Variants in RFPL1 observed in about 807,000 individuals in gnomAD.
The protein encoded by RFPL1 is ret finger protein-like 1.
Under a neutral mutation model 9.6 loss-of-function variants are expected in RFPL1, and 6 were observed. The observed-to-expected ratio is 0.62, with a 90% CI of 0.34 to 1.23. The LOEUF (loss-of-function observed/expected upper bound fraction) is 1.23. Ranked by LOEUF, RFPL1 falls within the 50% of genes most tolerant of loss-of-function variation. The probability of loss-of-function intolerance (pLI) is 0.03; values close to 1 mark genes in which losing one functional copy is unlikely to be tolerated. For missense variants in RFPL1, 352 were observed against 398.4 expected (o/e 0.88, Z 0.99); for synonymous variants, 145 against 149.4 (o/e 0.97, Z 0.22).
chr22:29,437,498 G>A, upstream of RFPL1: 4 of 1,001,272 alleles, frequency 4.0e-6, no homozygotes, highest in Non-Finnish European at 6.0e-6. Context: ...AAAATACACT[G>A]TCAGGATGAA....
the RFPL1 span, among the ~76,000 whole-genome samples, chr22:29,404,598 A>C: frequency 6.6e-6 from 1 of 152,262 alleles, no homozygotes; most frequent in African/African-American, 2.4e-5. Flanking sequence ...TACAAGGTGC[A>C]TATGAGCTGC....
chr22:29,391,732 C>T, the RFPL1 span, among the ~76,000 whole-genome samples: 2 of 152,250 alleles, frequency 1.3e-5, no homozygotes, highest in East Asian at 3.9e-4. Flanking sequence ...AAGGGTAATC[C>T]AGAGAAAAGA....
At chr22:29,423,382 C>CT in the RFPL1 span, among the ~76,000 whole-genome samples, 394 of 134,294 alleles carry the variant, frequency 2.9e-3, 1 homozygote, top group African/African-American at 7.2e-3. Context: ...AATCTATCAA[C>CT]TTTTTTTTTT....
chr22:29,418,683 A>G, the RFPL1 span, among the ~76,000 whole-genome samples: 2 of 151,958 alleles, frequency 1.3e-5, no homozygotes, highest in Non-Finnish European at 2.9e-5. Flanking sequence ...TATTTTTAGT[A>G]GAGACAGGAT....
the RFPL1 span, among the ~76,000 whole-genome samples, chr22:29,423,699 A>G: frequency 1.3e-5 from 2 of 152,214 alleles, no homozygotes; most frequent in Non-Finnish European, 2.9e-5. Context: ...ATGTTACCCT[A>G]TACAGTCAAA....
At chr22:29,398,641 C>T in the RFPL1 span, among the ~76,000 whole-genome samples, 1 of 152,306 alleles carries the variant, frequency 6.6e-6, no homozygotes, top group South Asian at 2.1e-4. Context: ...GATGCCCATT[C>T]CTCGGGGCTG....
the RFPL1 span, among the ~76,000 whole-genome samples, chr22:29,423,989 T>G: frequency 6.6e-6 from 1 of 152,076 alleles, no homozygotes; most frequent in African/African-American, 2.4e-5. Context: ...GGTCAGGAGA[T>G]CGAGACCAGA....
chr22:29,438,000 C>G (rs563256862), upstream of RFPL1: 1 of 312,152 alleles, frequency 3.2e-6, no homozygotes, highest in African/African-American at 2.7e-5. Context: ...ACTCTGTTGT[C>G]CAGGTTGGAG....
At chr22:29,436,172 A>G (rs1489809374), upstream of RFPL1, among the ~76,000 whole-genome samples, 1 of 152,046 alleles carries the variant, frequency 6.6e-6, no homozygotes, top group Non-Finnish European at 1.5e-5. Context: ...AGAGGTCGGT[A>G]ATTGGATATA....
the RFPL1 span, among the ~76,000 whole-genome samples, chr22:29,418,787 T>G: frequency 6.6e-6 from 1 of 152,136 alleles, no homozygotes; most frequent in Non-Finnish European, 1.5e-5. Flanking sequence ...TGTGAGCCAC[T>G]GCGCCTGGCC....
the RFPL1 span, among the ~76,000 whole-genome samples, chr22:29,424,824 G>GCCC: frequency 3.3e-5 from 3 of 90,168 alleles, no homozygotes; most frequent in Non-Finnish European, 6.8e-5. Flanking sequence ...CTGTCTCCCT[G>GCCC]TCCCTCCCAC....
At chr22:29,425,203 CAAAA>C in the RFPL1 span, among the ~76,000 whole-genome samples, 1 of 78,516 alleles carries the variant, frequency 1.3e-5, no homozygotes. Context: ...GACTCCGTCT[CAAAA>C]AAAAAAAAAA....
the RFPL1 span, among the ~76,000 whole-genome samples, chr22:29,420,494 C>A: frequency 1.3e-5 from 2 of 151,974 alleles, no homozygotes; most frequent in Non-Finnish European, 2.9e-5. Flanking sequence ...TCATGCCTGG[C>A]TAATTTTTGT....
chr22:29,411,277 G>C, the RFPL1 span, among the ~76,000 whole-genome samples: 1 of 152,088 alleles, frequency 6.6e-6, no homozygotes, highest in African/African-American at 2.4e-5. Flanking sequence ...TCCATTTTAG[G>C]GTGAGAAAAT....
the RFPL1 span, among the ~76,000 whole-genome samples, chr22:29,401,673 T>G: frequency 3.3e-5 from 5 of 152,342 alleles, no homozygotes; most frequent in East Asian, 1.9e-4. Flanking sequence ...GTTCTCCAGA[T>G]GAACATAGAG....
the RFPL1 span, among the ~76,000 whole-genome samples, chr22:29,431,722 G>A: frequency 2.0e-5 from 3 of 148,528 alleles, no homozygotes; most frequent in African/African-American, 7.6e-5. Flanking sequence ...GTCTCACTGT[G>A]TTGCCCAGGC....
chr22:29,426,941 G>A, the RFPL1 span, among the ~76,000 whole-genome samples: 2 of 152,192 alleles, frequency 1.3e-5, no homozygotes, highest in African/African-American at 4.8e-5. Context: ...TTGAGAAGGT[G>A]GAGACGAACG....
chr22:29,433,694 G>A (rs889518960), upstream of RFPL1: 1 of 152,126 alleles, frequency 6.6e-6, no homozygotes, highest in African/African-American at 2.4e-5. Context: ...ACAGTTCTCA[G>A]CTGTGAGTAT....
the RFPL1 span, among the ~76,000 whole-genome samples, chr22:29,421,614 C>T: frequency 1.3e-5 from 2 of 151,148 alleles, no homozygotes; most frequent in South Asian, 4.2e-4. Context: ...AATCCTCCCA[C>T]CCAAGCCACC....
Sources: allele counts gnomAD v4.1 joint callset (sites outside exome capture counted in the v4.1 genomes callset), GRCh38; gene constraint gnomAD v4.1.1; transcripts MANE v1.5; gene names NCBI Gene and HGNC (gene_info 2026-07-23, HGNC 2026-07-21).